The following ARL15 variants were observed in gnomAD, a reference collection of about 807,000 sequenced individuals.
The protein encoded by ARL15 is ADP-ribosylation factor-like protein 15.
Under a neutral mutation model 25.2 loss-of-function variants are expected in ARL15, and 19 were observed. That is an observed-to-expected ratio of 0.75 (90% CI 0.53 to 1.10). ARL15 has a LOEUF of 1.10. Ranked by LOEUF, ARL15 falls within the 50% of genes least tolerant of loss-of-function variation. ARL15 has a pLI of 0.00. For synonymous variants in ARL15, 94 were observed against 86.8 expected (o/e 1.08, Z -0.46); for missense variants, 220 against 246.0 (o/e 0.89, Z 0.71).
At chr5:53,891,916 C>T (rs1236911560) in intron 4 of ARL15, among the ~76,000 whole-genome samples, 3 of 152,172 alleles carry the variant, frequency 2.0e-5, no homozygotes, top group Admixed American at 6.5e-5. Context: ...ACTGAAGACA[C>T]GATGCTGCAA....
At chr5:54,273,175 T>C (rs2112650158) in intron 1 of ARL15, among the ~76,000 whole-genome samples, 1 of 152,252 alleles carries the variant, frequency 6.6e-6, no homozygotes, top group Non-Finnish European at 1.5e-5. Context: ...AAAAAATAGA[T>C]TGTGTAGTGA....
chr5:54,191,274 C>G (rs909872379), intron 1 of ARL15, among the ~76,000 whole-genome samples: 1 of 151,904 alleles, frequency 6.6e-6, no homozygotes, highest in Non-Finnish European at 1.5e-5. Flanking sequence ...GTCATAAAGA[C>G]CAAATGTAGA....
chr5:54,166,737 A>C (rs1754580611), intron 2 of ARL15, among the ~76,000 whole-genome samples: 1 of 152,136 alleles, frequency 6.6e-6, no homozygotes, highest in East Asian at 1.9e-4. Flanking sequence ...GATACAATAC[A>C]GTGATAATAA....
intron 1 of ARL15, among the ~76,000 whole-genome samples, chr5:54,254,680 T>C (rs1467477561): frequency 1.3e-5 from 2 of 152,234 alleles, no homozygotes; most frequent in Non-Finnish European, 2.9e-5. Flanking sequence ...TGGTTTGACC[T>C]GAAGATGGAG....
chr5:54,141,017 T>G (rs183796310), intron 3 of ARL15, among the ~76,000 whole-genome samples: 2 of 152,330 alleles, frequency 1.3e-5, no homozygotes, highest in Admixed American at 6.5e-5. Flanking sequence ...ACACGAATAA[T>G]TATTATAAAT....
rs77780878 is a variant in ARL15, at chr5:54,301,984, C to T, written c.48+8448G>A. Among the ~76,000 whole-genome samples, 59 of 152,306 alleles carry T rather than the reference C, an allele frequency of 3.9e-4. No individual in the cohort carries two copies. In the East Asian group the frequency reaches 0.01, roughly 27 times the overall value. ...ATCAAAATCATGTAGGAGTGCTTGG[C>T]TCTATGAGCCAAAGGGCAGAACACC... On this transcript the variant is annotated intron_variant, in intron 1 of 4. Coordinates refer to ENST00000504924, the MANE Select transcript of ARL15 (RefSeq NM_019087.3).
intron 3 of ARL15, among the ~76,000 whole-genome samples, chr5:54,132,939 T>TA (rs1331614252): frequency 2.0e-5 from 3 of 152,106 alleles, no homozygotes; most frequent in African/African-American, 7.2e-5. Context: ...TCCAACTGCC[T>TA]AAAAAAATCT....
chr5:54,033,006 G>T (rs1750040944), intron 4 of ARL15, among the ~76,000 whole-genome samples: 1 of 151,448 alleles, frequency 6.6e-6, no homozygotes, highest in Non-Finnish European at 1.5e-5. Context: ...GTGGAAGTTG[G>T]AATCTACAGC....
chr5:53,931,196 G>GA (rs766772132), intron 4 of ARL15, among the ~76,000 whole-genome samples: 93 of 152,108 alleles, frequency 6.1e-4, no homozygotes, highest in Non-Finnish European at 1.1e-3. Context: ...AAAACGCAGG[G>GA]AAAAAAATCT....
At chr5:54,052,332 A>AT (rs375526333) in intron 4 of ARL15, among the ~76,000 whole-genome samples, 107 of 152,302 alleles carry the variant, frequency 7.0e-4, no homozygotes, top group African/African-American at 2.5e-3. Context: ...TGCAATCTAA[A>AT]TATATTATAA....
At chr5:54,108,165 A>G (rs1227525063) in intron 4 of ARL15, among the ~76,000 whole-genome samples, 2 of 152,160 alleles carry the variant, frequency 1.3e-5, no homozygotes, top group Non-Finnish European at 2.9e-5. Flanking sequence ...ATTCAGAAAT[A>G]TTTATTTCTC....
intron 4 of ARL15, among the ~76,000 whole-genome samples, chr5:54,107,509 T>C (rs777886405): frequency 3.9e-5 from 6 of 152,122 alleles, no homozygotes; most frequent in Non-Finnish European, 7.4e-5. Context: ...GAAGTTTGCT[T>C]GTTCTGCTCT....
At chr5:54,057,785 G>C (rs1750924948) in intron 4 of ARL15, among the ~76,000 whole-genome samples, 1 of 152,116 alleles carries the variant, frequency 6.6e-6, no homozygotes, top group South Asian at 2.1e-4. Context: ...GGAGGTTGAG[G>C]CTGCAGGGAG....
At chr5:53,887,569 CTCAAAAGGTA>C (rs1744574303) in intron 4 of ARL15, among the ~76,000 whole-genome samples, 1 of 152,116 alleles carries the variant, frequency 6.6e-6, no homozygotes, top group Non-Finnish European at 1.5e-5. Context: ...ATGATCTTCT[CTCAAAAGGTA>C]TCATAAAACA....
chr5:54,248,300 C>G (rs1757146755), intron 1 of ARL15, among the ~76,000 whole-genome samples: 1 of 152,174 alleles, frequency 6.6e-6, no homozygotes, highest in African/African-American at 2.4e-5. Context: ...ACAAGACCAT[C>G]TCTCTTCACC....
rs563747879 is a variant in ARL15 at position 54,268,050 on chromosome 5, T to C, written c.48+42382A>G. 5.9e-5 allele frequency among the ~76,000 whole-genome samples: 9 copies of C among 152,144 alleles called. No individual in the cohort carries two copies. The East Asian group carries it at 1.4e-3, about 23-fold the overall frequency. On this transcript the variant is annotated intron_variant, in intron 1 of 4. Coordinates refer to ENST00000504924, the MANE Select transcript of ARL15 (RefSeq NM_019087.3). ...ATTGGGGAAGTTCTCCTGGATAATA[T>C]CCTGCAGAGTGTTTTCCAATTTGGT... is the stretch of plus-strand genomic sequence containing the variant.
chr5:53,905,555 G>C (rs543368453), intron 4 of ARL15, among the ~76,000 whole-genome samples: 1 of 152,208 alleles, frequency 6.6e-6, no homozygotes, highest in South Asian at 2.1e-4. Flanking sequence ...AATGTCCTGA[G>C]CTTTTCTTAG....
chr5:54,052,415 T>C (rs1480283416), intron 4 of ARL15, among the ~76,000 whole-genome samples: 3 of 152,136 alleles, frequency 2.0e-5, no homozygotes, highest in African/African-American at 4.8e-5. Flanking sequence ...CAGAACTAAG[T>C]AACTCTTGAA....
chr5:54,087,505 C>T (rs949883405), intron 4 of ARL15, among the ~76,000 whole-genome samples: 3 of 152,156 alleles, frequency 2.0e-5, no homozygotes, highest in African/African-American at 7.2e-5. Flanking sequence ...TCTTTGAATT[C>T]TGCCACTTTC....
Sources: gnomAD v4.1 joint callset for allele counts (sites outside exome capture counted in the v4.1 genomes callset) on GRCh38, gnomAD v4.1.1 for gene constraint, MANE v1.5 for transcripts, NCBI Gene and HGNC (gene_info 2026-07-23, HGNC 2026-07-21) for gene names.